PITRM1: variants seen among roughly 807,000 people sequenced by gnomAD.
PITRM1 encodes the protein pitrilysin metallopeptidase 1.
In PITRM1, 100 loss-of-function variants were observed where a neutral mutation model predicts 129.9. The ratio of observed to expected loss-of-function variants is 0.77; its 90% CI spans 0.65 to 0.91. The LOEUF (loss-of-function observed/expected upper bound fraction) is 0.91, where lower values mean the gene tolerates loss of function less well. Ranked by LOEUF, PITRM1 falls within the 40% of genes least tolerant of loss-of-function variation. The pLI is 0.00. For missense variants in PITRM1, 1,471 were observed against 1,318.3 expected (o/e 1.12, Z -1.79); for synonymous variants, 591 against 508.8 (o/e 1.16, Z -2.17).
In PITRM1 at chr10:3,137,890, GTTTTTGACTC is replaced by G. The variant is rs2131787162; in HGVS notation, c.*131_*140del. The G allele has an allele frequency of 1.6e-6, 1 of 615,028 alleles. No individual in the cohort carries two copies. Among genetic ancestry groups the G allele is most frequent in the East Asian group, 2.8e-5 (1 of 36,230 alleles). The allele number at this position is 615,028 out of a possible 1,614,324, so 38.1% of individuals were successfully genotyped here. On this transcript the variant is annotated 3_prime_UTR_variant, in exon 27 of 27. Transcript: ENST00000224949. Reference sequence around the variant, plus strand: ...CTGGTCACTCTTAAGATAGATCTGAGTTTTTGACTCGCCAGTCAAGGGCTTTGGCGACACT... The same window carrying G: ...CTGGTCACTCTTAAGATAGATCTGAGGCCAGTCAAGGGCTTTGGCGACACT...
intron 15 of PITRM1, 100 bp from the exon 16 acceptor site, chr10:3,149,853 G>C: frequency 3.2e-6 from 4 of 1,268,576 alleles, no homozygotes; most frequent in Non-Finnish European, 3.4e-6. Context: ...TTCAAGAATG[G>C]AGGTTTAAGA....
chr10:3,162,302 C>T (rs138359637), intron 7 of PITRM1, among the ~76,000 whole-genome samples: 2 of 152,276 alleles, frequency 1.3e-5, no homozygotes, highest in African/African-American at 2.4e-5. Context: ...CAAGATAACC[C>T]GATAGCCCAG....
intron 13 of PITRM1, 73 bp downstream of exon 13, chr10:3,156,857 G>A: frequency 1.0e-6 from 1 of 992,370 alleles, no homozygotes. Context: ...TATAGATTAT[G>A]TTCCTAATAT....
Position 3,140,795 on chromosome 10 carries a change from C to T in PITRM1, c.2663G>A (p.Arg888His), listed in dbSNP as rs775017537. 2.4e-5 allele frequency: 38 copies of T among 1,585,582 alleles called. No individual in the cohort carries two copies. The highest frequency in any genetic ancestry group is 1.1e-4 in the Admixed American group (6 of 55,714). The change falls in exon 24 of 27, where the codon CGT (arginine) becomes CAT (histidine). Residue 888 changes from arginine to histidine, a missense_variant. By Grantham distance (29) the Arg-to-His change is conservative. Coordinates refer to ENST00000224949, the MANE Select transcript of PITRM1 (RefSeq NM_014889.4). ...PDHASLKILARLMTAKFLHTE... is the reference protein window; with the variant it reads ...PDHASLKILAHLMTAKFLHTE... ...ATGCAAGAATTTGGCAGTCATCAAACGTGCAAGGATTTTAAGACTGAAATG... is the reference window on the plus strand; with the variant it reads ...ATGCAAGAATTTGGCAGTCATCAAATGTGCAAGGATTTTAAGACTGAAATG...
At chr10:3,168,415 G>A (rs942483553) in intron 2 of PITRM1, among the ~76,000 whole-genome samples, 6 of 151,842 alleles carry the variant, frequency 4.0e-5, no homozygotes, top group Non-Finnish European at 8.8e-5. Flanking sequence ...ATGACTTATC[G>A]TAAGTTTCTA....
At chr10:3,155,455 G>C (rs1015848982) in intron 14 of PITRM1, 136 bp downstream of exon 14, 2 of 1,027,900 alleles carry the variant, frequency 1.9e-6, no homozygotes, top group African/African-American at 1.6e-5. Context: ...TCAATGCATC[G>C]AACGTGAGCT....
At chr10:3,166,602 G>C (rs919092131) in intron 3 of PITRM1, among the ~76,000 whole-genome samples, 3 of 152,164 alleles carry the variant, frequency 2.0e-5, no homozygotes, top group African/African-American at 7.2e-5. Flanking sequence ...TTTTCAAGAT[G>C]CTCTGTCAAT....
chr10:3,164,018 TG>T, intron 6 of PITRM1, 133 bp from the exon 7 acceptor site: 5 of 470,116 alleles, frequency 1.1e-5, no homozygotes, highest in African/African-American at 2.4e-5. Context: ...GCTGTTCTAA[TG>T]GTTTAAAAAA....
At chr10:3,141,819 G>C (rs1029523692) in intron 23 of PITRM1, 9 of 295,274 alleles carry the variant, frequency 3.0e-5, no homozygotes, top group African/African-American at 1.8e-4. Flanking sequence ...TGTGGTGGGA[G>C]AAGTCACGAC....
chr10:3,157,133 C>T lies in PITRM1; in HGVS notation c.1348-69G>A, dbSNP rs189369103. On this transcript the variant is annotated intron_variant, in intron 12 of 26. Transcript: ENST00000224949. ...GTACAACCTCCACCAACAGCCCAGACTTGATACTAAAATCCTAGTTTCTGT... is the reference window on the plus strand; with the variant it reads ...GTACAACCTCCACCAACAGCCCAGATTTGATACTAAAATCCTAGTTTCTGT... 173 of 1,380,814 alleles carry T rather than the reference C, an allele frequency of 1.3e-4. No individual in the cohort carries two copies. The African/African-American group carries it at 2.3e-3, about 18-fold the overall frequency. 85.5% of individuals were successfully genotyped at this position (1,380,814 alleles called of 1,614,324 possible).
In PITRM1 at chr10:3,137,883, G is replaced by T; in HGVS notation, c.*148C>A. 1 of 608,174 alleles carries T rather than the reference G, an allele frequency of 1.6e-6. No individual in the cohort carries two copies. Among genetic ancestry groups the T allele is most frequent in the Non-Finnish European group, 2.9e-6 (1 of 340,774 alleles). The allele number at this position is 608,174 out of a possible 1,614,324, so 37.7% of individuals were successfully genotyped here. ...CCTCTTCCTGGTCACTCTTAAGATA[G>T]ATCTGAGTTTTTGACTCGCCAGTCA... On this transcript the variant is annotated 3_prime_UTR_variant, in exon 27 of 27. Coordinates refer to ENST00000224949, the MANE Select transcript of PITRM1 (RefSeq NM_014889.4).
intron 24 of PITRM1, among the ~76,000 whole-genome samples, chr10:3,140,270 C>T (rs928947989): frequency 1.3e-5 from 2 of 152,180 alleles, no homozygotes; most frequent in Admixed American, 6.5e-5. Flanking sequence ...CAGGCAGGTA[C>T]CGTAGACAGC....
chr10:3,138,046 G>A lies in PITRM1; in HGVS notation c.3099C>T (p.Ser1033=), dbSNP rs938038700. 6.2e-7 allele frequency: 1 copy of A among 1,606,128 alleles called. No individual in the cohort carries two copies. Among genetic ancestry groups the A allele is most frequent in the Non-Finnish European group, 8.5e-7 (1 of 1,176,040 alleles). ...PENPKIAKDP[S]WIIQ ...CCACGGCTGCTCATTGGATGATCCA[G>A]GATGGGTCCTTGGCAATTTTCGGGT... Residue 1033 remains serine, a synonymous_variant, in exon 27 of 27, where the codon TCC becomes TCT. Coordinates refer to ENST00000224949, the MANE Select transcript of PITRM1 (RefSeq NM_014889.4).
chr10:3,151,438 T>C (rs1841510196), intron 14 of PITRM1, 75 bp from the exon 15 acceptor site: 1 of 892,918 alleles, frequency 1.1e-6, no homozygotes, highest in Admixed American at 2.0e-5. Flanking sequence ...TCCTATGTTA[T>C]TATCTTAACA....
rs375630656 is a variant in PITRM1 at position 3,158,125 on chromosome 10, A to C, written c.1165T>G (p.Phe389Val). 18 of 1,606,304 alleles carry C rather than the reference A, an allele frequency of 1.1e-5. No homozygotes were observed. Among genetic ancestry groups the C allele is most frequent in the Non-Finnish European group, 1.5e-5 (18 of 1,174,112 alleles). ...GYNGYTREAY[F>V]SVGLQGIAEK... ...GCAATCCCTTGGAGGCCGACACTAA[A>C]GTAGGCCTCCCTCGTGTAGCCATTA... Residue 389 changes from phenylalanine (F) to valine (V), a missense_variant, in exon 11 of 27, where the codon TTT (phenylalanine) becomes GTT (valine). By Grantham distance (50) the Phe-to-Val change is conservative. Coordinates refer to ENST00000224949, the MANE Select transcript of PITRM1 (RefSeq NM_014889.4).
intron 23 of PITRM1, 65 bp from the exon 24 acceptor site, chr10:3,140,877 T>C (rs962004181): frequency 1.2e-5 from 15 of 1,293,644 alleles, no homozygotes; most frequent in Admixed American, 6.3e-5. Flanking sequence ...AATGAAGTAA[T>C]TGTTGGATTA....
intron 14 of PITRM1, among the ~76,000 whole-genome samples, chr10:3,152,487 G>A (rs1288191032): frequency 2.6e-5 from 4 of 152,146 alleles, no homozygotes; most frequent in Admixed American, 6.5e-5. Flanking sequence ...ACCTTGGGGC[G>A]CAGTGAGCAT....
At chr10:3,148,467 T>C (rs901811689) in intron 16 of PITRM1, 176 bp from the exon 17 acceptor site, 6 of 697,820 alleles carry the variant, frequency 8.6e-6, no homozygotes, top group South Asian at 7.6e-5. Flanking sequence ...CCCTCGAGAG[T>C]TCATGTGCCC....
rs756417257 is a variant in PITRM1 at position 3,155,574 on chromosome 10, G to T, written c.1621+17C>A. ...GTGCAGGTTAGGGACTCGCCAGCTCGGAAGGAAGCCTCTGACCTTTCTCGT... is the reference window on the plus strand; with the variant it reads ...GTGCAGGTTAGGGACTCGCCAGCTCTGAAGGAAGCCTCTGACCTTTCTCGT... On this transcript the variant is annotated intron_variant, in intron 14 of 26. Coordinates refer to ENST00000224949, the MANE Select transcript of PITRM1 (RefSeq NM_014889.4). 19 of 1,613,470 alleles carry T rather than the reference G, an allele frequency of 1.2e-5. No individual in the cohort carries two copies. Among genetic ancestry groups the T allele is most frequent in the Admixed American group, 6.7e-5 (4 of 59,984 alleles).
Sources: allele counts gnomAD v4.1 joint callset (sites outside exome capture counted in the v4.1 genomes callset), GRCh38; gene constraint gnomAD v4.1.1; transcripts MANE v1.5; gene names NCBI Gene and HGNC (gene_info 2026-07-23, HGNC 2026-07-21).